The following OR1J2 variants were observed in gnomAD, a reference collection of about 807,000 sequenced individuals.
The protein encoded by OR1J2 is olfactory receptor 1J2.
For missense variants in OR1J2, 304 were observed against 246.1 expected (o/e 1.24, Z -1.57); for synonymous variants, 142 against 99.7 (o/e 1.42, Z -2.52).
At chr9:122,558,311 C>CTTTT in the OR1J2 span, among the ~76,000 whole-genome samples, 411 of 34,470 alleles carry the variant, frequency 0.012, 100 homozygotes, top group South Asian at 0.017. Flanking sequence ...TTGGATTTTG[C>CTTTT]TTTTTTTTTT....
At chr9:122,552,625 C>T in the OR1J2 span, among the ~76,000 whole-genome samples, 23 of 152,010 alleles carry the variant, frequency 1.5e-4, no homozygotes, top group African/African-American at 5.3e-4. Context: ...TCCTTTGCCG[C>T]TAGTTAGGAA....
the OR1J2 span, among the ~76,000 whole-genome samples, chr9:122,565,235 A>G: frequency 2.0e-5 from 3 of 152,192 alleles, no homozygotes; most frequent in Admixed American, 1.3e-4. Flanking sequence ...ATTGATGACA[A>G]AGATACCTGG....
At chr9:122,491,357 G>A in the OR1J2 span, among the ~76,000 whole-genome samples, 14 of 152,108 alleles carry the variant, frequency 9.2e-5, no homozygotes, top group African/African-American at 3.4e-4. Context: ...TCAACATAGA[G>A]GAGGATGAGA....
chr9:122,457,061 G>A, the OR1J2 span, among the ~76,000 whole-genome samples: 1 of 152,220 alleles, frequency 6.6e-6, no homozygotes, highest in Non-Finnish European at 1.5e-5. Context: ...ATGAGATCAT[G>A]TCCTTTGCAG....
the OR1J2 span, among the ~76,000 whole-genome samples, chr9:122,538,041 C>T: frequency 0.048 from 7,257 of 152,064 alleles, 226 homozygotes; most frequent in Middle Eastern, 0.075. Flanking sequence ...GTGCATGTGT[C>T]GGGGGATGGA....
At chr9:122,503,243 A>G in the OR1J2 span, among the ~76,000 whole-genome samples, 1 of 152,224 alleles carries the variant, frequency 6.6e-6, no homozygotes, top group Non-Finnish European at 1.5e-5. Context: ...CCAAAACAAG[A>G]GTATCTGAAA....
At chr9:122,562,962 A>G in the OR1J2 span, among the ~76,000 whole-genome samples, 3 of 152,152 alleles carry the variant, frequency 2.0e-5, no homozygotes, top group Non-Finnish European at 4.4e-5. Flanking sequence ...GCTGTTGTAA[A>G]TAGTGCTGTA....
chr9:122,533,617 G>A, the OR1J2 span, among the ~76,000 whole-genome samples: 1 of 152,100 alleles, frequency 6.6e-6, no homozygotes, highest in Non-Finnish European at 1.5e-5. Context: ...CCTAATAAGG[G>A]AACTGGGCAG....
At chr9:122,450,640 A>G in the OR1J2 span, among the ~76,000 whole-genome samples, 1 of 152,186 alleles carries the variant, frequency 6.6e-6, no homozygotes, top group African/African-American at 2.4e-5. Context: ...TGAAATCTGT[A>G]ATACGTTGGT....
chr9:122,470,387 G>C, the OR1J2 span, among the ~76,000 whole-genome samples: 1 of 152,216 alleles, frequency 6.6e-6, no homozygotes, highest in Non-Finnish European at 1.5e-5. Context: ...GTGCACAGAA[G>C]TCAAGAATTG....
the OR1J2 span, chr9:122,477,170 G>A: frequency 4.3e-4 from 696 of 1,614,166 alleles, 1 homozygote; most frequent in African/African-American, 7.8e-3. Flanking sequence ...ATAATTGTCC[G>A]ATAATAGATA....
the OR1J2 span, among the ~76,000 whole-genome samples, chr9:122,558,566 G>T: frequency 1.3e-5 from 2 of 151,390 alleles, no homozygotes; most frequent in Non-Finnish European, 3.0e-5. Context: ...TTTTATGTTT[G>T]TGATGCCTTC....
chr9:122,506,580 T>G (rs148095089), upstream of OR1J2, among the ~76,000 whole-genome samples: 9 of 152,184 alleles, frequency 5.9e-5, no homozygotes, highest in East Asian at 1.7e-3. Flanking sequence ...CCACCAAACA[T>G]TGGATCATAA....
the OR1J2 span, chr9:122,553,414 A>G: frequency 5.6e-6 from 9 of 1,613,980 alleles, no homozygotes; most frequent in Non-Finnish European, 7.6e-6. Flanking sequence ...TTTCTGGCCA[A>G]CCTGTCATTA....
At chr9:122,485,402 T>C in the OR1J2 span, among the ~76,000 whole-genome samples, 1 of 152,182 alleles carries the variant, frequency 6.6e-6, no homozygotes, top group East Asian at 1.9e-4. Context: ...TCTTCATAGA[T>C]TGTAGAAAAT....
At chr9:122,517,717 GT>G in the OR1J2 span, among the ~76,000 whole-genome samples, 86 of 149,456 alleles carry the variant, frequency 5.8e-4, no homozygotes, top group Admixed American at 1.5e-3. Flanking sequence ...TTTTTGAGGT[GT>G]TTTTTTTTTC....
At chr9:122,523,040 A>T in the OR1J2 span, among the ~76,000 whole-genome samples, 2 of 152,320 alleles carry the variant, frequency 1.3e-5, no homozygotes, top group East Asian at 3.8e-4. Flanking sequence ...CTTAGAGACG[A>T]TGAAATACTT....
chr9:122,509,442 T>G (rs1317172837), upstream of OR1J2, among the ~76,000 whole-genome samples: 1 of 152,222 alleles, frequency 6.6e-6, no homozygotes, highest in Non-Finnish European at 1.5e-5. Context: ...ATGCACACTT[T>G]GAATATAATT....
chr9:122,447,503 A>C, the OR1J2 span: 1 of 152,090 alleles, frequency 6.6e-6, no homozygotes, highest in Non-Finnish European at 1.5e-5. Flanking sequence ...GGAAAATGAA[A>C]TCCTGGCCCT....
Sources: gnomAD v4.1 joint callset for allele counts (sites outside exome capture counted in the v4.1 genomes callset) on GRCh38, gnomAD v4.1.1 for gene constraint, MANE v1.5 for transcripts, NCBI Gene and HGNC (gene_info 2026-07-23, HGNC 2026-07-21) for gene names.